The following ZNF407 variants were observed in gnomAD, a reference collection of about 807,000 sequenced individuals.
ZNF407 encodes zinc finger protein 407.
In ZNF407, 17 loss-of-function variants were observed where a neutral mutation model predicts 131.2. The ratio of observed to expected loss-of-function variants is 0.13; its 90% CI spans 0.09 to 0.19. ZNF407 has a LOEUF of 0.19. ZNF407 is among the 10% of genes least tolerant of loss of function. ZNF407 has a pLI of 1.00. For missense variants in ZNF407, 2,681 were observed against 2,830.6 expected (o/e 0.95, Z 1.20); for synonymous variants, 1,156 against 1,062.0 (o/e 1.09, Z -1.72).
chr18:74,695,197 G>A (rs1437095479), intron 3 of ZNF407, among the ~76,000 whole-genome samples: 3 of 152,224 alleles, frequency 2.0e-5, no homozygotes, highest in East Asian at 1.9e-4. Context: ...TTGGATAAGC[G>A]ATATGGAAGA....
intron 8 of ZNF407, among the ~76,000 whole-genome samples, chr18:75,002,279 C>A (rs1272581199): frequency 4.6e-5 from 7 of 152,232 alleles, no homozygotes; most frequent in Non-Finnish European, 1.0e-4. Flanking sequence ...TGCAGGTTTT[C>A]TAAGAAGCCA....
chr18:74,878,606 C>T (rs529360876), intron 5 of ZNF407, among the ~76,000 whole-genome samples: 2 of 151,918 alleles, frequency 1.3e-5, no homozygotes, highest in Non-Finnish European at 2.9e-5. Context: ...GTAGTCTGCA[C>T]CATAATGAGA....
At chr18:74,642,932 A>C (rs185837222) in intron 3 of ZNF407, among the ~76,000 whole-genome samples, 1 of 152,164 alleles carries the variant, frequency 6.6e-6, no homozygotes, top group African/African-American at 2.4e-5. Flanking sequence ...AATTTGATTT[A>C]AAAGTTAGGT....
Position 74,809,865 on chromosome 18 carries a change from T to C in ZNF407, c.4877+28363T>C, listed in dbSNP as rs185457717. The stretch of plus-strand genomic sequence containing the variant: ...ATGACTGTAGTTAGCACCACAGTAA[T>C]GGGAGTGGTCAGATTGGTGATAAAT... On this transcript the variant is annotated intron_variant, in intron 4 of 8. Coordinates refer to ENST00000299687, the MANE Select transcript of ZNF407 (RefSeq NM_017757.3). 2.6e-3 allele frequency among the ~76,000 whole-genome samples: 398 copies of C among 152,262 alleles called. 4 individuals are homozygous for C. Among genetic ancestry groups the C allele is most frequent in the African/African-American group, 9.1e-3 (376 of 41,544 alleles).
intron 4 of ZNF407, chr18:74,804,740 C>A: frequency 1.9e-6 from 1 of 513,338 alleles, no homozygotes; most frequent in Non-Finnish European, 2.5e-6. Context: ...GGAAGGTTAG[C>A]CGAGTTGTTT....
chr18:74,968,947 C>T (rs1599269690), intron 8 of ZNF407, among the ~76,000 whole-genome samples: 1 of 152,230 alleles, frequency 6.6e-6, no homozygotes, highest in South Asian at 2.1e-4. Context: ...GGGCTCTGTG[C>T]ATTTTGTTCC....
In ZNF407 at chr18:75,047,492, C is replaced by T. The variant is rs144801591; in HGVS notation, c.5429-15658C>T. Among the ~76,000 whole-genome samples the T allele has an allele frequency of 5.9e-3, 897 of 152,276 alleles. 7 individuals carry two copies. Among genetic ancestry groups the T allele is most frequent in the Non-Finnish European group, 9.7e-3 (663 of 68,014 alleles). ...GGCCCAGCATACTGCAGTCATGTGG[C>T]GGCTTTTTAAAGCAGGTTCTGTAAT... On this transcript the variant is annotated intron_variant, in intron 8 of 8. Coordinates refer to ENST00000299687, the MANE Select transcript of ZNF407 (RefSeq NM_017757.3).
chr18:74,644,177 CTT>C (rs34393480), intron 3 of ZNF407, among the ~76,000 whole-genome samples: 29 of 118,830 alleles, frequency 2.4e-4, no homozygotes, highest in African/African-American at 6.5e-4. Flanking sequence ...TTGGGGGAAT[CTT>C]TTTTTTTTTT....
chr18:74,821,538 G>A (rs553896724), intron 4 of ZNF407, among the ~76,000 whole-genome samples: 1 of 151,550 alleles, frequency 6.6e-6, no homozygotes, highest in East Asian at 2.0e-4. Flanking sequence ...TTCTGTTCTT[G>A]TGTGAGTTTG....
intron 5 of ZNF407, 120 bp from the exon 6 acceptor site, chr18:74,880,916 A>G (rs1971228344): frequency 1.2e-6 from 1 of 846,288 alleles, no homozygotes. Context: ...TTTCATTCCC[A>G]TTTGACATAT....
intron 7 of ZNF407, among the ~76,000 whole-genome samples, chr18:74,916,146 C>A (rs1425139388): frequency 4.5e-5 from 1 of 22,016 alleles, no homozygotes; most frequent in Non-Finnish European, 7.2e-5. Context: ...TGTGTGCATG[C>A]ATGTGTGTGC....
intron 4 of ZNF407, among the ~76,000 whole-genome samples, chr18:74,816,609 C>T (rs919358150): frequency 6.6e-6 from 1 of 152,018 alleles, no homozygotes; most frequent in African/African-American, 2.4e-5. Context: ...TAGAATTTGG[C>T]GTTTTATTTG....
intron 8 of ZNF407, among the ~76,000 whole-genome samples, chr18:74,959,322 C>T (rs116351592): frequency 9.2e-5 from 14 of 152,282 alleles, no homozygotes; most frequent in African/African-American, 3.4e-4. Flanking sequence ...GTTTAAGAGG[C>T]AGCAGGATAA....
intron 3 of ZNF407, among the ~76,000 whole-genome samples, chr18:74,705,449 A>G (rs1452421640): frequency 6.6e-6 from 1 of 152,200 alleles, no homozygotes; most frequent in Non-Finnish European, 1.5e-5. Context: ...GGCTCCTTAA[A>G]CTTATTAGAT....
At chr18:74,814,032 A>G (rs1202378608) in intron 4 of ZNF407, among the ~76,000 whole-genome samples, 1 of 152,200 alleles carries the variant, frequency 6.6e-6, no homozygotes, top group Admixed American at 6.5e-5. Flanking sequence ...CCTTCATGGC[A>G]TAAGGGCATA....
intron 8 of ZNF407, among the ~76,000 whole-genome samples, chr18:74,980,600 C>T (rs1972580493): frequency 6.6e-6 from 1 of 152,170 alleles, no homozygotes; most frequent in African/African-American, 2.4e-5. Flanking sequence ...AGCCACCCCA[C>T]CCAGCCAATT....
intron 8 of ZNF407, among the ~76,000 whole-genome samples, chr18:74,973,718 T>C (rs1972498073): frequency 6.6e-6 from 1 of 152,044 alleles, no homozygotes; most frequent in Admixed American, 6.6e-5. Flanking sequence ...GCGATCAAGG[T>C]GTTGGTCAGG....
At chr18:74,948,145 C>T (rs988829741) in intron 8 of ZNF407, among the ~76,000 whole-genome samples, 1 of 152,136 alleles carries the variant, frequency 6.6e-6, no homozygotes, top group East Asian at 1.9e-4. Flanking sequence ...CTGCTTGCTG[C>T]GTCTGTTAGC....
chr18:75,041,455 TCTCACACACACACA>T (rs1669205641), intron 8 of ZNF407, among the ~76,000 whole-genome samples: 1 of 151,916 alleles, frequency 6.6e-6, no homozygotes, highest in African/African-American at 2.4e-5. Context: ...ACACTCTCTC[TCTCACACACACACA>T]CTCACACACA....
Sources: allele counts gnomAD v4.1 joint callset (sites outside exome capture counted in the v4.1 genomes callset), GRCh38; gene constraint gnomAD v4.1.1; transcripts MANE v1.5; gene names NCBI Gene and HGNC (gene_info 2026-07-23, HGNC 2026-07-21).